RPS6KC1: variants seen among roughly 807,000 people sequenced by gnomAD.
The protein encoded by RPS6KC1 is ribosomal protein S6 kinase C1.
A neutral mutation model predicts 103.8 loss-of-function variants in RPS6KC1; 54 were observed. The ratio of observed to expected loss-of-function variants is 0.52; its 90% CI spans 0.42 to 0.65. The LOEUF (loss-of-function observed/expected upper bound fraction) is 0.65, where lower values mean the gene tolerates loss of function less well. Ranked by LOEUF, RPS6KC1 falls within the 30% of genes least tolerant of loss-of-function variation. RPS6KC1 has a pLI of 0.00. For synonymous variants in RPS6KC1, 439 were observed against 438.7 expected, an observed-to-expected ratio of 1.00 and a Z score of -0.01; for missense variants, 1,151 against 1,253.8, an observed-to-expected ratio of 0.92 and a Z score of 1.24.
intron 6 of RPS6KC1, among the ~76,000 whole-genome samples, chr1:213,160,616 C>G (rs1375656897): frequency 3.3e-5 from 5 of 152,106 alleles, no homozygotes; most frequent in African/African-American, 4.8e-5. Flanking sequence ...GTATTGTTAT[C>G]AGACCTTATA....
the RPS6KC1 span, among the ~76,000 whole-genome samples, chr1:213,327,582 C>T: frequency 1.1e-4 from 16 of 151,796 alleles, no homozygotes; most frequent in Middle Eastern, 3.4e-3. Flanking sequence ...GTTGTGTGTG[C>T]GTGCGTGTGT....
the RPS6KC1 span, among the ~76,000 whole-genome samples, chr1:213,761,023 T>C: frequency 6.6e-6 from 1 of 151,724 alleles, no homozygotes; most frequent in African/African-American, 2.4e-5. Context: ...GAGCTCCATA[T>C]CTAGTTTATG....
At chr1:213,800,556 A>T in the RPS6KC1 span, among the ~76,000 whole-genome samples, 3 of 152,140 alleles carry the variant, frequency 2.0e-5, no homozygotes, top group African/African-American at 7.2e-5. Flanking sequence ...GCATAATTTC[A>T]TATGTTTAAG....
At chr1:213,384,355 T>C in the RPS6KC1 span, among the ~76,000 whole-genome samples, 1 of 152,024 alleles carries the variant, frequency 6.6e-6, no homozygotes, top group Non-Finnish European at 1.5e-5. Context: ...GTTTGACATT[T>C]TTCTTGAGTA....
the RPS6KC1 span, among the ~76,000 whole-genome samples, chr1:213,455,531 G>A: frequency 7.2e-5 from 11 of 152,212 alleles, no homozygotes; most frequent in Non-Finnish European, 1.2e-4. Flanking sequence ...TGTCAAATAA[G>A]CAGTTGAGTG....
chr1:213,141,818 C>CGT (rs2087067371), intron 6 of RPS6KC1, among the ~76,000 whole-genome samples: 1 of 151,108 alleles, frequency 6.6e-6, no homozygotes, highest in African/African-American at 2.4e-5. Context: ...TCTAGTATGT[C>CGT]GTATCTTTTT....
intron 8 of RPS6KC1, among the ~76,000 whole-genome samples, chr1:213,181,233 G>A (rs1558489085): frequency 1.3e-5 from 2 of 152,156 alleles, no homozygotes. Flanking sequence ...AAGGAAGATC[G>A]GTGAAGATCG....
the RPS6KC1 span, among the ~76,000 whole-genome samples, chr1:213,691,447 A>C: frequency 6.6e-6 from 1 of 152,278 alleles, no homozygotes; most frequent in East Asian, 1.9e-4. Flanking sequence ...TGGGTTGGTA[A>C]GTGCCCTTAA....
the RPS6KC1 span, among the ~76,000 whole-genome samples, chr1:213,397,624 C>G: frequency 2.1e-5 from 3 of 141,280 alleles, no homozygotes; most frequent in East Asian, 2.3e-4. Context: ...CACACACACA[C>G]ACAGACACTT....
intron 8 of RPS6KC1, among the ~76,000 whole-genome samples, chr1:213,218,918 A>C (rs1558564267): frequency 6.6e-6 from 1 of 152,240 alleles, no homozygotes; most frequent in Non-Finnish European, 1.5e-5. Flanking sequence ...AAAGCCCTAG[A>C]AGAAAACCTA....
chr1:213,207,126 T>C (rs2093372539), intron 8 of RPS6KC1, among the ~76,000 whole-genome samples: 1 of 152,064 alleles, frequency 6.6e-6, no homozygotes, highest in Admixed American at 6.6e-5. Context: ...ATATATAGCT[T>C]CTGTGGAATA....
the RPS6KC1 span, among the ~76,000 whole-genome samples, chr1:213,685,926 A>G: frequency 6.6e-6 from 1 of 152,226 alleles, no homozygotes; most frequent in Admixed American, 6.5e-5. Flanking sequence ...ACAAGCATTT[A>G]GATGCCTCAG....
the RPS6KC1 span, among the ~76,000 whole-genome samples, chr1:213,628,355 A>G: frequency 3.0e-4 from 45 of 152,038 alleles, no homozygotes; most frequent in South Asian, 8.7e-3. Flanking sequence ...AATTTTGTTG[A>G]TCTTTTCAAA....
the RPS6KC1 span, among the ~76,000 whole-genome samples, chr1:213,692,399 A>AAT: frequency 2.4e-4 from 36 of 151,894 alleles, no homozygotes; most frequent in African/African-American, 7.0e-4. Context: ...AAAAAAAAAA[A>AAT]AAAATAAATA....
Position 213,226,629 on chromosome 1 carries a change from G to A in RPS6KC1, c.1045-3868G>A, listed in dbSNP as rs139347046. Among the ~76,000 whole-genome samples the A allele has an allele frequency of 4.1e-3, 624 of 152,116 alleles. 1 individual carries two copies. Among genetic ancestry groups the A allele is most frequent in the Middle Eastern group, 0.01 (3 of 294 alleles). On this transcript the variant is annotated intron_variant, in intron 8 of 14. Transcript: ENST00000366960. ...TTTCTTATCACTCATTATGAACTCT[G>A]TGCAATCTGCTTTTATCCTCAGTTC...
At chr1:213,817,238 C>A in the RPS6KC1 span, among the ~76,000 whole-genome samples, 3 of 152,170 alleles carry the variant, frequency 2.0e-5, no homozygotes, top group Admixed American at 6.5e-5. Context: ...GCATAGTCAT[C>A]GGCTCCCCTC....
the RPS6KC1 span, among the ~76,000 whole-genome samples, chr1:213,280,309 CT>C: frequency 1.3e-5 from 2 of 152,122 alleles, no homozygotes; most frequent in South Asian, 2.1e-4. Flanking sequence ...ATAACTCACC[CT>C]TTGTAGACAG....
the RPS6KC1 span, among the ~76,000 whole-genome samples, chr1:213,823,691 A>G: frequency 2.0e-5 from 3 of 148,200 alleles, no homozygotes; most frequent in Non-Finnish European, 3.0e-5. Flanking sequence ...TTCTTCGTGC[A>G]GTGACCATGA....
At chr1:213,593,956 C>T in the RPS6KC1 span, among the ~76,000 whole-genome samples, 2 of 152,164 alleles carry the variant, frequency 1.3e-5, no homozygotes, top group African/African-American at 4.8e-5. Context: ...ACCTCTGCCT[C>T]CTGGGTTCCA....
Sources: gnomAD v4.1 joint callset for allele counts (sites outside exome capture counted in the v4.1 genomes callset) on GRCh38, gnomAD v4.1.1 for gene constraint, MANE v1.5 for transcripts, NCBI Gene and HGNC (gene_info 2026-07-23, HGNC 2026-07-21) for gene names.